Variants in ZNF804B observed in about 807,000 individuals in gnomAD.
The protein encoded by ZNF804B is zinc finger 804B.
A neutral mutation model predicts 101.4 loss-of-function variants in ZNF804B; 80 were observed. The ratio of observed to expected loss-of-function variants is 0.79; its 90% CI spans 0.66 to 0.95. The LOEUF (loss-of-function observed/expected upper bound fraction) is 0.95. Ranked by LOEUF, ZNF804B falls within the 40% of genes least tolerant of loss-of-function variation. The pLI is 0.00. For missense variants in ZNF804B, 1,673 were observed against 1,561.9 expected, an observed-to-expected ratio of 1.07 and a Z score of -1.20; for synonymous variants, 622 against 558.8, an observed-to-expected ratio of 1.11 and a Z score of -1.59.
intron 1 of ZNF804B, among the ~76,000 whole-genome samples, chr7:88,886,528 A>G (rs563366659): frequency 6.6e-6 from 1 of 152,280 alleles, no homozygotes; most frequent in South Asian, 2.1e-4. Flanking sequence ...TTGACTTGAA[A>G]TTTGATAAAG....
intron 1 of ZNF804B, among the ~76,000 whole-genome samples, chr7:88,815,217 A>C (rs1262816361): frequency 4.1e-5 from 6 of 147,928 alleles, no homozygotes; most frequent in Admixed American, 2.0e-4. Flanking sequence ...TCTATATATA[A>C]CATTTTAAAA....
At chr7:88,817,998 C>T (rs11763133) in intron 1 of ZNF804B, among the ~76,000 whole-genome samples, 66,073 of 151,870 alleles carry the variant, frequency 0.44, 15,192 homozygotes, top group East Asian at 0.81. Context: ...TGAGATGAGG[C>T]CTGTAAAGTG....
At chr7:89,296,552 A>G (rs1167202899) in intron 2 of ZNF804B, among the ~76,000 whole-genome samples, 2 of 152,082 alleles carry the variant, frequency 1.3e-5, no homozygotes, top group Non-Finnish European at 1.5e-5. Flanking sequence ...AGGTTTTTCT[A>G]CAAGGCTCAT....
intron 1 of ZNF804B, among the ~76,000 whole-genome samples, chr7:88,851,064 C>T (rs1278450985): frequency 6.6e-6 from 1 of 151,892 alleles, no homozygotes; most frequent in Admixed American, 6.6e-5. Context: ...TATTAGAGAA[C>T]TTGGAAACAG....
intron 1 of ZNF804B, among the ~76,000 whole-genome samples, chr7:88,885,523 C>G (rs1792112668): frequency 1.3e-5 from 2 of 150,688 alleles, no homozygotes; most frequent in African/African-American, 4.9e-5. Context: ...TATGTTTTCC[C>G]CTTGAATAGT....
chr7:88,861,971 C>T (rs1192679303), intron 1 of ZNF804B, among the ~76,000 whole-genome samples: 1 of 152,090 alleles, frequency 6.6e-6, no homozygotes, highest in African/African-American at 2.4e-5. Context: ...TGGGGGGACC[C>T]AATGCTAAGG....
intron 1 of ZNF804B, among the ~76,000 whole-genome samples, chr7:89,024,277 T>C (rs1788712070): frequency 6.6e-6 from 1 of 152,170 alleles, no homozygotes. Flanking sequence ...TTCAGGATAA[T>C]ACTTAGGGTA....
intron 1 of ZNF804B, among the ~76,000 whole-genome samples, chr7:88,854,558 C>T (rs71572435): frequency 8.3e-6 from 1 of 120,878 alleles, no homozygotes; most frequent in Admixed American, 9.6e-5. Flanking sequence ...TTCCTTCCTT[C>T]CTTCCTTCCT....
chr7:88,826,638 A>G (rs879277698), intron 1 of ZNF804B, among the ~76,000 whole-genome samples: 1 of 46,580 alleles, frequency 2.1e-5, no homozygotes, highest in South Asian at 7.9e-4. Context: ...ATTCCAAAGC[A>G]TCTTTATTTT....
At chr7:88,957,433 T>C (rs933517407) in intron 1 of ZNF804B, among the ~76,000 whole-genome samples, 1 of 151,434 alleles carries the variant, frequency 6.6e-6, no homozygotes, top group African/African-American at 2.4e-5. Context: ...AGCACAATTA[T>C]ACACTGATAC....
chr7:89,166,347 G>C (rs1791143683), intron 1 of ZNF804B, among the ~76,000 whole-genome samples: 1 of 152,106 alleles, frequency 6.6e-6, no homozygotes, highest in South Asian at 2.1e-4. Flanking sequence ...ACCTGCTGTT[G>C]ACAGGAAGTT....
intron 1 of ZNF804B, among the ~76,000 whole-genome samples, chr7:89,056,363 A>G (rs1191475612): frequency 6.6e-6 from 1 of 152,122 alleles, no homozygotes; most frequent in Non-Finnish European, 1.5e-5. Flanking sequence ...TTAAACATAG[A>G]GAAAAGTAGA....
intron 1 of ZNF804B, among the ~76,000 whole-genome samples, chr7:89,212,252 T>TATACAC (rs746773282): frequency 1.1e-5 from 1 of 87,096 alleles, no homozygotes; most frequent in Non-Finnish European, 2.5e-5. Flanking sequence ...CATTCAGTGA[T>TATACAC]ACACACACAC....
intron 1 of ZNF804B, among the ~76,000 whole-genome samples, chr7:89,126,724 A>G (rs1790479784): frequency 6.6e-6 from 1 of 151,834 alleles, no homozygotes; most frequent in Non-Finnish European, 1.5e-5. Flanking sequence ...GATTCGGAGT[A>G]CGGAGATTCT....
rs150154597 is a variant in ZNF804B, at chr7:89,255,350, T to C, written c.249+37055T>C. 3.8e-3 allele frequency among the ~76,000 whole-genome samples: 573 copies of C among 152,278 alleles called. 3 individuals are homozygous for C. Among genetic ancestry groups the C allele is most frequent in the African/African-American group, 0.013 (550 of 41,550 alleles). On this transcript the variant is annotated intron_variant, in intron 2 of 3. Coordinates refer to ENST00000333190, the MANE Select transcript of ZNF804B (RefSeq NM_181646.5). ...GATTACAATTCGAGGTGAGATTTTG[T>C]TGGGCACACACAGCAAAACCATATT...
At chr7:89,037,713 T>C (rs1322337485) in intron 1 of ZNF804B, among the ~76,000 whole-genome samples, 1 of 152,076 alleles carries the variant, frequency 6.6e-6, no homozygotes, top group African/African-American at 2.4e-5. Flanking sequence ...CAATACATTA[T>C]TAAGTATAGT....
chr7:89,210,286 A>G (rs1788782601), intron 1 of ZNF804B, among the ~76,000 whole-genome samples: 1 of 152,180 alleles, frequency 6.6e-6, no homozygotes, highest in African/African-American at 2.4e-5. Flanking sequence ...ACAGAGATTA[A>G]AAACTCCTGA....
intron 1 of ZNF804B, among the ~76,000 whole-genome samples, chr7:89,086,521 A>G (rs1343826920): frequency 2.0e-5 from 3 of 152,004 alleles, no homozygotes; most frequent in Non-Finnish European, 4.4e-5. Flanking sequence ...TTATTGATGT[A>G]ATAACAACTA....
chr7:88,815,382 G>GTT (rs71526616), intron 1 of ZNF804B, among the ~76,000 whole-genome samples: 2 of 149,110 alleles, frequency 1.3e-5, no homozygotes, highest in Non-Finnish European at 3.0e-5. Context: ...TTCAAGTCAA[G>GTT]TTTTTTCCAT....
Sources: gnomAD v4.1 joint callset for allele counts (sites outside exome capture counted in the v4.1 genomes callset) on GRCh38, gnomAD v4.1.1 for gene constraint, MANE v1.5 for transcripts, NCBI Gene and HGNC (gene_info 2026-07-23, HGNC 2026-07-21) for gene names.